Variants in TPR observed in about 807,000 individuals in gnomAD.
TPR encodes translocated promoter region, nuclear basket protein.
A neutral mutation model predicts 316.1 loss-of-function variants in TPR; 51 were observed. That is an observed-to-expected ratio of 0.16 (90% CI 0.13 to 0.20). The LOEUF (loss-of-function observed/expected upper bound fraction) is 0.20. TPR is among the 10% of genes least tolerant of loss of function. The pLI is 1.00. For missense variants in TPR, 2,272 were observed against 2,754.8 expected, an observed-to-expected ratio of 0.82 and a Z score of 3.92; for synonymous variants, 981 against 914.7, an observed-to-expected ratio of 1.07 and a Z score of -1.31.
chr1:186,349,547 C>T (rs2101973146), intron 21 of TPR, among the ~76,000 whole-genome samples: 1 of 151,550 alleles, frequency 6.6e-6, no homozygotes, highest in South Asian at 2.1e-4. Context: ...GTAGTCCCAG[C>T]TACTCGGGAG....
chr1:186,359,749 A>G (rs1429942587), intron 12 of TPR, 50 bp downstream of exon 12: 2 of 1,535,720 alleles, frequency 1.3e-6, no homozygotes, highest in African/African-American at 1.4e-5. Context: ...CTAGTAAATC[A>G]TTTCTCATTT....
At chr1:186,374,564 C>G (rs1209486777) in intron 1 of TPR, among the ~76,000 whole-genome samples, 3 of 152,182 alleles carry the variant, frequency 2.0e-5, no homozygotes, top group African/African-American at 7.2e-5. Flanking sequence ...ATATAAGGTA[C>G]TCTAGGCTTA....
rs1258979384 is a variant in TPR, at chr1:186,336,692, T to C, written c.4509A>G (p.Thr1503=). The C allele has an allele frequency of 6.2e-7, 1 of 1,612,448 alleles. No individual in the cohort carries two copies. Among genetic ancestry groups the C allele is most frequent in the South Asian group, 1.1e-5 (1 of 91,012 alleles). Residue 1503 remains threonine (T), a splice_region_variant and synonymous_variant, in exon 33 of 51, where the codon ACA becomes ACG. Transcript: ENST00000367478. ...LESQVENLQK[T]LSEKETEARN... Reference sequence around the variant, plus strand: ...TTGCTTCTGTCTCTTTTTCAGATAATGTCTTTAAAGGAAAACAAAGTATTC... The same window carrying C: ...TTGCTTCTGTCTCTTTTTCAGATAACGTCTTTAAAGGAAAACAAAGTATTC...
intron 31 of TPR, among the ~76,000 whole-genome samples, 197 bp downstream of exon 31, chr1:186,337,836 C>T (rs138315782): frequency 2.6e-4 from 39 of 151,912 alleles, no homozygotes; most frequent in Admixed American, 2.5e-3. Context: ...GAAGACTGAA[C>T]TATCTAGTAT....
intron 39 of TPR, 52 bp downstream of exon 39, chr1:186,331,446 A>C: frequency 7.6e-7 from 1 of 1,312,872 alleles, no homozygotes; most frequent in South Asian, 1.3e-5. Context: ...GTCAAAGCTA[A>C]TTTCATTCAC....
intron 19 of TPR, 125 bp from the exon 20 acceptor site, chr1:186,351,595 G>T: frequency 1.0e-6 from 1 of 998,166 alleles, no homozygotes; most frequent in South Asian, 2.5e-5. Flanking sequence ...AAAATCTACA[G>T]TATTTATCAA....
At chr1:186,345,777 G>A in intron 23 of TPR, 81 bp from the exon 24 acceptor site, 1 of 1,018,200 alleles carries the variant, frequency 9.8e-7, no homozygotes, top group Non-Finnish European at 1.4e-6. Context: ...TTACTAAATT[G>A]AAGTCTCATT....
At position 186,313,980 on chromosome 1, in the gene TPR, A is replaced by G. The variant is rs373609938; in HGVS notation, c.7083T>C (p.Asn2361=). The change falls in exon 51 of 51, where the codon AAT becomes AAC. Residue 2361 remains asparagine (N), a synonymous_variant. Coordinates refer to ENST00000367478, the MANE Select transcript of TPR (RefSeq NM_003292.3). ...MGGRGGINRG[N]IN is the part of the protein sequence containing the mutation. ...ATTGTTTACAGACCATTTAATTAATATTTCCTCTGTTTATTCCTCCTCTCC... is the reference window on the plus strand; with the variant it reads ...ATTGTTTACAGACCATTTAATTAATGTTTCCTCTGTTTATTCCTCCTCTCC... The G allele has an allele frequency of 1.9e-6, 3 of 1,611,986 alleles. No individual in the cohort carries two copies. Among genetic ancestry groups the G allele is most frequent in the African/African-American group, 1.3e-5 (1 of 75,024 alleles).
intron 39 of TPR, among the ~76,000 whole-genome samples, chr1:186,330,182 G>A (rs1420304032): frequency 6.6e-6 from 1 of 152,028 alleles, no homozygotes; most frequent in Non-Finnish European, 1.5e-5. Context: ...GGAAACAAAA[G>A]TTACCCGTAG....
chr1:186,373,173 T>C (rs1659584813), intron 2 of TPR, among the ~76,000 whole-genome samples, 186 bp downstream of exon 2: 1 of 152,216 alleles, frequency 6.6e-6, no homozygotes, highest in African/African-American at 2.4e-5. Flanking sequence ...CTCCTGACCA[T>C]TAAATTCTGT....
intron 39 of TPR, 83 bp downstream of exon 39, chr1:186,331,415 G>C: frequency 1.1e-6 from 1 of 872,050 alleles, no homozygotes; most frequent in Non-Finnish European, 1.8e-6. Context: ...AAAAAAAAAA[G>C]ACCAAATAAT....
At chr1:186,351,873 A>G (rs1291053388) in intron 19 of TPR, 103 bp downstream of exon 19, 24 of 1,345,962 alleles carry the variant, frequency 1.8e-5, no homozygotes, top group Non-Finnish European at 2.4e-5. Context: ...AATGGATGAC[A>G]AAAGTGATGG....
chr1:186,373,394 T>G lies in TPR; in HGVS notation c.221A>C (p.Glu74Ala). Residue 74 changes from glutamate to alanine, a missense_variant, in exon 2 of 51, where the codon GAG becomes GCG. Around this residue, in one of 10 missense-constraint regions of TPR, gnomAD observed 549 missense variants for 598.6 expected, o/e 0.92. Transcript: ENST00000367478. Reference protein sequence around the residue: ...SQERLVNETRECQSLRLELEK... With the variant: ...SQERLVNETRACQSLRLELEK... ...TAGCTCAAGCCGCAAGCTTTGACAC[T>G]CTCGGGTTTCATTCACAAGTCTCTC... 6.2e-7 allele frequency: 1 copy of G among 1,613,650 alleles called. No homozygotes were observed. The highest frequency in any genetic ancestry group is 8.5e-7 in the Non-Finnish European group (1 of 1,179,764).
intron 49 of TPR, among the ~76,000 whole-genome samples, 159 bp from the exon 50 acceptor site, chr1:186,314,883 G>A (rs547584793): frequency 1.4e-3 from 217 of 151,842 alleles, no homozygotes; most frequent in Non-Finnish European, 2.4e-3. Flanking sequence ...TTAACAAACC[G>A]AAAAAGGGTA....
intron 3 of TPR, among the ~76,000 whole-genome samples, chr1:186,369,021 T>C (rs1365101508): frequency 6.6e-6 from 1 of 152,212 alleles, no homozygotes; most frequent in Non-Finnish European, 1.5e-5. Flanking sequence ...CACAACTCCA[T>C]TGGGTCTTCT....
At chr1:186,357,677 A>G in intron 13 of TPR, 54 bp from the exon 14 acceptor site, 3 of 1,485,440 alleles carry the variant, frequency 2.0e-6, no homozygotes, top group Non-Finnish European at 2.7e-6. Context: ...AATTCTGGAC[A>G]AGTTTAGAAT....
chr1:186,324,323 G>A (rs1251729032), intron 42 of TPR, among the ~76,000 whole-genome samples: 7 of 152,146 alleles, frequency 4.6e-5, no homozygotes, highest in East Asian at 1.9e-4. Flanking sequence ...ATTACCTAAA[G>A]GTTAGACCAT....
Position 186,353,147 on chromosome 1 carries a change from C to T in TPR, c.2334+541G>A, listed in dbSNP as rs564724973. On this transcript the variant is annotated intron_variant, in intron 18 of 50. Coordinates refer to ENST00000367478, the MANE Select transcript of TPR (RefSeq NM_003292.3). ...CAGCACTTTGGGAGGCTAAGGCGGG[C>T]AAATCACGAGGTCAGTAGATCGAGA... 2.0e-5 allele frequency among the ~76,000 whole-genome samples: 3 copies of T among 152,232 alleles called. No individual in the cohort carries two copies. In the South Asian group the frequency reaches 6.2e-4, roughly 32 times the overall value.
chr1:186,337,240 C>G, intron 31 of TPR, 84 bp from the exon 32 acceptor site: 1 of 1,459,064 alleles, frequency 6.9e-7, no homozygotes. Context: ...AAAATAATCA[C>G]AGCTTTGCAA....
Sources: gnomAD v4.1 joint callset for allele counts (sites outside exome capture counted in the v4.1 genomes callset) on GRCh38, gnomAD v4.1.1 for gene constraint, gnomAD v4.1.1 regional missense constraint, MANE v1.5 for transcripts, NCBI Gene and HGNC (gene_info 2026-07-23, HGNC 2026-07-21) for gene names.